The following MCF2L2 variants were observed in gnomAD, a reference collection of about 807,000 sequenced individuals.
MCF2L2 encodes the protein MCF.2 cell line derived transforming sequence-like 2.
In MCF2L2, 102 loss-of-function variants were observed where a neutral mutation model predicts 150.2. The observed-to-expected ratio is 0.68, with a 90% CI of 0.58 to 0.80. The LOEUF (loss-of-function observed/expected upper bound fraction) is 0.80. MCF2L2 is among the 30% of genes least tolerant of loss of function. MCF2L2 has a pLI of 0.00. For missense variants in MCF2L2, 1,256 were observed against 1,372.8 expected (o/e 0.91, Z 1.34); for synonymous variants, 465 against 491.3 (o/e 0.95, Z 0.71).
Position 183,179,405 on chromosome 3 carries a change from G to C in MCF2L2, c.3320C>G (p.Pro1107Arg), listed in dbSNP as rs113905816. 10 of 1,558,230 alleles carry C rather than the reference G, an allele frequency of 6.4e-6. No individual in the cohort carries two copies. The highest frequency in any genetic ancestry group is 7.8e-6 in the Non-Finnish European group (9 of 1,151,164). ...TAGFQARALR[P>R]RTSAQES ...TCAGCTCTCCTGGGCGGAGGTCCTCGGGCGCAGCGCCCTCGCCTGGAAACC... is the reference window on the plus strand; with the variant it reads ...TCAGCTCTCCTGGGCGGAGGTCCTCCGGCGCAGCGCCCTCGCCTGGAAACC... Residue 1107 changes from proline (P) to arginine (R), a missense_variant, in exon 30 of 30, where the codon CCG (proline) becomes CGG (arginine). Transcript: ENST00000328913. The surrounding 1 kb of genome is among the most constrained non-coding windows in gnomAD (Gnocchi z 4.2).
At chr3:183,216,483 T>C (rs2108656318) in intron 21 of MCF2L2, among the ~76,000 whole-genome samples, 1 of 140,158 alleles carries the variant, frequency 7.1e-6, no homozygotes, top group East Asian at 2.0e-4. Context: ...TATAATTATA[T>C]GTTTATATAT....
rs1012034997 is a variant in MCF2L2, at chr3:183,205,944, T to C, written c.2816A>G (p.Lys939Arg). 3 of 1,613,934 alleles carry C rather than the reference T, an allele frequency of 1.9e-6. No individual in the cohort carries two copies. Among genetic ancestry groups the C allele is most frequent in the Non-Finnish European group, 2.5e-6 (3 of 1,179,792 alleles). Residue 939 changes from lysine (K) to arginine (R), a missense_variant, in exon 25 of 30, where the codon AAA becomes AGA. By Grantham distance (26) the Lys-to-Arg change is conservative. Coordinates refer to ENST00000328913, the MANE Select transcript of MCF2L2 (RefSeq NM_015078.4). The stretch of plus-strand genomic sequence containing the variant: ...TGAAAACCAACAGTCTCTGATTTCT[T>C]TTGAAGCTGCCTGCAATCACACATA... ...LEKYILQAAS[K>R]EIRDCWFSEI...
Position 183,340,098 on chromosome 3 carries a change from G to A in MCF2L2, c.367-1179C>T, listed in dbSNP as rs140441910. On this transcript the variant is annotated intron_variant, in intron 4 of 29. Coordinates refer to ENST00000328913, the MANE Select transcript of MCF2L2 (RefSeq NM_015078.4). ...TATATCCACAACTAAACTAAAGGGAGAAAACAATCCATGCGGCAATGGGAG... is the reference window on the plus strand; with the variant it reads ...TATATCCACAACTAAACTAAAGGGAAAAAACAATCCATGCGGCAATGGGAG... 2.2e-3 allele frequency among the ~76,000 whole-genome samples: 335 copies of A among 152,288 alleles called. 1 individual carries two copies. Among genetic ancestry groups the A allele is most frequent in the African/African-American group, 7.7e-3 (321 of 41,578 alleles).
intron 19 of MCF2L2, 106 bp downstream of exon 19, chr3:183,223,982 TTAAATAAACA>T: frequency 1.3e-6 from 1 of 793,508 alleles, no homozygotes; most frequent in East Asian, 2.4e-5. Context: ...ATGGGACACT[TTAAATAAACA>T]TAAATCGCAA....
chr3:183,393,259 TCTCGG>T (rs1714265252), intron 1 of MCF2L2, among the ~76,000 whole-genome samples: 1 of 150,738 alleles, frequency 6.6e-6, no homozygotes, highest in African/African-American at 2.4e-5. Flanking sequence ...AATGGCATGA[TCTCGG>T]CTCACTGCAA....
chr3:183,219,753 A>G, intron 21 of MCF2L2, 103 bp downstream of exon 21: 1 of 747,694 alleles, frequency 1.3e-6, no homozygotes, highest in South Asian at 1.8e-5. Context: ...TAGAAAATCT[A>G]GATAATAAAG....
intron 15 of MCF2L2, among the ~76,000 whole-genome samples, chr3:183,255,978 A>G (rs1725011688): frequency 6.6e-6 from 1 of 152,200 alleles, no homozygotes; most frequent in South Asian, 2.1e-4. Context: ...TCTGAGGCCC[A>G]ATTGCACTAG....
chr3:183,427,787 C>G, intron 1 of MCF2L2, 115 bp downstream of exon 1: 1 of 886,844 alleles, frequency 1.1e-6, no homozygotes, highest in Non-Finnish European at 1.8e-6. Flanking sequence ...GCCGGGCAAC[C>G]CCCCAGGAAG....
intron 15 of MCF2L2, among the ~76,000 whole-genome samples, chr3:183,241,853 T>G (rs1030424628): frequency 3.9e-5 from 6 of 152,194 alleles, no homozygotes; most frequent in Non-Finnish European, 8.8e-5. Context: ...TAGAGACTTG[T>G]TGAATGGCTT....
At chr3:183,216,593 T>C (rs1722950384) in intron 21 of MCF2L2, among the ~76,000 whole-genome samples, 5 of 8,968 alleles carry the variant, frequency 5.6e-4, no homozygotes, top group Non-Finnish European at 1.5e-3. Flanking sequence ...TTTTTTTTTT[T>C]TTTTTTTTTT....
chr3:183,312,454 G>T (rs575472712), intron 7 of MCF2L2, among the ~76,000 whole-genome samples: 1 of 152,276 alleles, frequency 6.6e-6, no homozygotes, highest in South Asian at 2.1e-4. Context: ...GTTGCCCTGA[G>T]CCTTACCCAT....
intron 3 of MCF2L2, chr3:183,376,492 G>A (rs985612826): frequency 6.6e-6 from 1 of 152,170 alleles, no homozygotes; most frequent in Non-Finnish European, 1.5e-5. Flanking sequence ...AAATGCCACT[G>A]GGCCAAAGAC....
chr3:183,389,200 T>G (rs1714006842), intron 2 of MCF2L2, among the ~76,000 whole-genome samples: 3 of 152,210 alleles, frequency 2.0e-5, no homozygotes, highest in South Asian at 4.1e-4. Context: ...AATGCTAGAC[T>G]TTTAGTCAGA....
intron 15 of MCF2L2, among the ~76,000 whole-genome samples, chr3:183,274,202 G>A (rs368824686): frequency 4.7e-5 from 7 of 149,922 alleles, no homozygotes; most frequent in African/African-American, 1.2e-4. Flanking sequence ...ACGACAGAGC[G>A]AGACTGTCTC....
At chr3:183,304,863 A>G (rs1475742401) in intron 10 of MCF2L2, among the ~76,000 whole-genome samples, 1 of 152,136 alleles carries the variant, frequency 6.6e-6, no homozygotes, top group African/African-American at 2.4e-5. Flanking sequence ...AAATATTTGC[A>G]GAATAGATGT....
rs554350670 is a variant in MCF2L2, at chr3:183,203,171, C to A, written c.2884+2705G>T. 7.9e-5 allele frequency among the ~76,000 whole-genome samples: 12 copies of A among 152,186 alleles called. No homozygotes were observed. The South Asian group carries it at 2.3e-3, about 29-fold the overall frequency. On this transcript the variant is annotated intron_variant, in intron 25 of 29. Coordinates refer to ENST00000328913, the MANE Select transcript of MCF2L2 (RefSeq NM_015078.4). ...GAGGTTGCAGTGAGCTGAGATCATG[C>A]CATTGCACTCCAGCCTGGGCTACAG... is the stretch of plus-strand genomic sequence containing the variant.
At chr3:183,202,897 A>G (rs975524277) in intron 25 of MCF2L2, among the ~76,000 whole-genome samples, 2 of 152,230 alleles carry the variant, frequency 1.3e-5, no homozygotes, top group Admixed American at 1.3e-4. Context: ...CCAGGGAAAA[A>G]GAAAAACCAG....
At chr3:183,381,873 GT>G (rs1713546921) in intron 2 of MCF2L2, among the ~76,000 whole-genome samples, 1 of 152,132 alleles carries the variant, frequency 6.6e-6, no homozygotes, top group Non-Finnish European at 1.5e-5. Flanking sequence ...ACTATGGGAA[GT>G]TTCAGAGAAA....
chr3:183,249,773 G>A (rs558104102), intron 15 of MCF2L2, among the ~76,000 whole-genome samples: 163 of 152,352 alleles, frequency 1.1e-3, no homozygotes, highest in African/African-American at 3.7e-3. Context: ...CAAAGGAGAC[G>A]TACACAGGGC....
Sources: allele counts gnomAD v4.1 joint callset (sites outside exome capture counted in the v4.1 genomes callset), GRCh38; gene constraint gnomAD v4.1.1; non-coding constraint Gnocchi (gnomAD v3.1); transcripts MANE v1.5; gene names NCBI Gene and HGNC (gene_info 2026-07-23, HGNC 2026-07-21).